The following THRB variants were observed in gnomAD, a reference collection of about 807,000 sequenced individuals.
The protein encoded by THRB is thyroid hormone receptor beta, also known as nuclear receptor subfamily 1 group A member 2.
THRB carries 12 observed loss-of-function variants against 47.8 expected under a neutral mutation model. The observed-to-expected ratio is 0.25, with a 90% CI of 0.16 to 0.41. The LOEUF (loss-of-function observed/expected upper bound fraction) is 0.41. Ranked by LOEUF, THRB falls within the 10% of genes least tolerant of loss-of-function variation. The pLI is 1.00. For synonymous variants in THRB, 218 were observed against 212.2 expected (o/e 1.03, Z -0.24); for missense variants, 348 against 589.2 (o/e 0.59, Z 4.24).
intron 1 of THRB, among the ~76,000 whole-genome samples, chr3:24,380,638 T>A (rs2065633243): frequency 6.6e-6 from 1 of 152,150 alleles, no homozygotes; most frequent in African/African-American, 2.4e-5. Flanking sequence ...GTGTATCTCA[T>A]CTAGACAAAT....
intron 4 of THRB, among the ~76,000 whole-genome samples, chr3:24,226,937 C>T (rs2047713125): frequency 6.6e-6 from 1 of 152,012 alleles, no homozygotes; most frequent in Non-Finnish European, 1.5e-5. Flanking sequence ...ATTCACTGGC[C>T]CTTTACAACA....
chr3:24,313,011 T>C (rs1251426575), intron 2 of THRB, among the ~76,000 whole-genome samples: 4 of 152,114 alleles, frequency 2.6e-5, no homozygotes, highest in Non-Finnish European at 2.9e-5. Flanking sequence ...AGGATCTATT[T>C]TGGAGGCAGA....
At chr3:24,379,687 A>G (rs956659851) in intron 1 of THRB, among the ~76,000 whole-genome samples, 1 of 152,056 alleles carries the variant, frequency 6.6e-6, no homozygotes, top group Non-Finnish European at 1.5e-5. Context: ...TAGTCAATGA[A>G]TGTTTTATAA....
intron 1 of THRB, among the ~76,000 whole-genome samples, chr3:24,455,940 C>T (rs891624204): frequency 2.0e-5 from 3 of 152,184 alleles, no homozygotes; most frequent in African/African-American, 7.2e-5. Flanking sequence ...AGCATTTTAT[C>T]AGCTGCTTCA....
chr3:24,472,243 C>A (rs932393023), intron 1 of THRB, among the ~76,000 whole-genome samples: 1 of 152,174 alleles, frequency 6.6e-6, no homozygotes, highest in Non-Finnish European at 1.5e-5. Flanking sequence ...TGTGTCTATA[C>A]ATGCCAGGAC....
intron 3 of THRB, among the ~76,000 whole-genome samples, chr3:24,292,963 GTCAATTTTA>G (rs2056090252): frequency 6.6e-6 from 1 of 152,070 alleles, no homozygotes; most frequent in Non-Finnish European, 1.5e-5. Context: ...TTAAAATTTA[GTCAATTTTA>G]TCAATTTTCT....
chr3:24,201,720 T>G (rs149232194), intron 4 of THRB, among the ~76,000 whole-genome samples: 51 of 152,306 alleles, frequency 3.3e-4, no homozygotes, highest in Non-Finnish European at 6.5e-4. Context: ...ATGCAGAAAT[T>G]AAAAGACAGT....
At chr3:24,377,158 T>C (rs1358623964) in intron 1 of THRB, among the ~76,000 whole-genome samples, 1 of 152,092 alleles carries the variant, frequency 6.6e-6, no homozygotes, top group Non-Finnish European at 1.5e-5. Flanking sequence ...TTGCCCAGGC[T>C]GGTTTTGATC....
At chr3:24,209,144 C>G (rs1287912455) in intron 4 of THRB, among the ~76,000 whole-genome samples, 2 of 152,246 alleles carry the variant, frequency 1.3e-5, no homozygotes, top group African/African-American at 4.8e-5. Flanking sequence ...GATGCCATCT[C>G]ACACCAGTTA....
chr3:24,378,940 C>T (rs1021426086), intron 1 of THRB, among the ~76,000 whole-genome samples: 2 of 151,992 alleles, frequency 1.3e-5, no homozygotes, highest in Non-Finnish European at 2.9e-5. Flanking sequence ...TAGGTACATA[C>T]TTTTCCAGTT....
intron 9 of THRB, among the ~76,000 whole-genome samples, chr3:24,131,385 G>A (rs577151659): frequency 9.2e-5 from 14 of 152,238 alleles, no homozygotes; most frequent in South Asian, 2.1e-4. Context: ...TAAAAAAGGC[G>A]TCAAAGGCAT....
chr3:24,328,288 A>G (rs1345301245), intron 2 of THRB, among the ~76,000 whole-genome samples: 2 of 152,222 alleles, frequency 1.3e-5, no homozygotes, highest in African/African-American at 4.8e-5. Context: ...AAATGTATAT[A>G]TAAGTATATT....
chr3:24,179,871 G>A (rs1369052565), intron 5 of THRB, among the ~76,000 whole-genome samples: 1 of 152,046 alleles, frequency 6.6e-6, no homozygotes, highest in Non-Finnish European at 1.5e-5. Context: ...CTTTTTTTGG[G>A]AGAACAAATA....
intron 1 of THRB, 155 bp downstream of exon 1, chr3:24,494,497 C>G (rs2126000359): frequency 6.6e-6 from 1 of 152,172 alleles, no homozygotes; most frequent in East Asian, 2.0e-4. Context: ...GGCAGGTAAT[C>G]AGGCTGATGA....
chr3:24,350,796 T>C (rs956096721), intron 1 of THRB, among the ~76,000 whole-genome samples: 1 of 152,176 alleles, frequency 6.6e-6, no homozygotes, highest in African/African-American at 2.4e-5. Flanking sequence ...TCTCTGTGTG[T>C]ATGTTTCATT....
At chr3:24,268,332 T>TAAAAATAATGC (rs1559780328) in intron 3 of THRB, among the ~76,000 whole-genome samples, 1 of 151,998 alleles carries the variant, frequency 6.6e-6, no homozygotes, top group Non-Finnish European at 1.5e-5. Context: ...CCCTGACAAA[T>TAAAAATAATGC]AAAAATAATG....
chr3:24,354,658 C>T (rs149367060), intron 1 of THRB, among the ~76,000 whole-genome samples: 98 of 152,220 alleles, frequency 6.4e-4, no homozygotes, highest in African/African-American at 2.1e-3. Context: ...GGATGAGTTT[C>T]GGCTCTGTCT....
intron 2 of THRB, among the ~76,000 whole-genome samples, chr3:24,306,116 T>C (rs2057318216): frequency 6.6e-6 from 1 of 152,214 alleles, no homozygotes; most frequent in Non-Finnish European, 1.5e-5. Context: ...GGCTATATAA[T>C]AGAAACCATT....
rs62253678 is a variant in THRB, at chr3:24,203,565, A to G, written c.23-13231T>C. The stretch of plus-strand genomic sequence containing the variant: ...CTGAATAGGAACAGCTCCAGTCTAC[A>G]GCTCCCAGCATGAGCGACGCAGAAG... On this transcript the variant is annotated intron_variant, in intron 4 of 10. Transcript: ENST00000646209. Among the ~76,000 whole-genome samples, 885 of 152,324 alleles carry G rather than the reference A, an allele frequency of 5.8e-3. 8 individuals are homozygous for G. The highest frequency in any genetic ancestry group is 0.042 in the South Asian group (201 of 4,828).
Sources: allele counts gnomAD v4.1 joint callset (sites outside exome capture counted in the v4.1 genomes callset), GRCh38; gene constraint gnomAD v4.1.1; transcripts MANE v1.5; gene names NCBI Gene and HGNC (gene_info 2026-07-23, HGNC 2026-07-21).